DTD1: variants seen among roughly 807,000 people sequenced by gnomAD.
DTD1 encodes D-tyrosyl-tRNA deacylase 1 homolog.
In DTD1, 13 loss-of-function variants were observed where a neutral mutation model predicts 25.6. The observed-to-expected ratio is 0.51, with a 90% CI of 0.33 to 0.81. The LOEUF (loss-of-function observed/expected upper bound fraction) is 0.81, where lower values mean the gene tolerates loss of function less well. Ranked by LOEUF, DTD1 falls within the 30% of genes least tolerant of loss-of-function variation. DTD1 has a pLI of 0.02. For missense variants in DTD1, 193 were observed against 266.4 expected (o/e 0.72, Z 1.92); for synonymous variants, 110 against 103.6 (o/e 1.06, Z -0.37).
rs372398444 is a variant in DTD1 at position 18,753,523 on chromosome 20, G to A, written c.*19+9252G>A. ...CTCAGGAGGCTGAGACAGGAGAATC[G>A]CTTGAACCAAGGAGGCAGAGGTTGC... is the stretch of plus-strand genomic sequence containing the variant. On this transcript the variant is annotated intron_variant, in intron 5 of 5. Coordinates refer to ENST00000377452, the MANE Select transcript of DTD1 (RefSeq NM_080820.6). 8.9e-5 allele frequency among the ~76,000 whole-genome samples: 13 copies of A among 145,382 alleles called. No individual in the cohort carries two copies. The East Asian group carries it at 2.1e-3, about 23-fold the overall frequency.
At chr20:18,649,849 G>T (rs1164214814) in intron 4 of DTD1, among the ~76,000 whole-genome samples, 1 of 152,140 alleles carries the variant, frequency 6.6e-6, no homozygotes, top group Non-Finnish European at 1.5e-5. Flanking sequence ...CCCCCATATT[G>T]TGTGTATCAC....
intron 4 of DTD1, among the ~76,000 whole-genome samples, chr20:18,640,653 C>T (rs1305333538): frequency 6.3e-5 from 9 of 142,512 alleles, no homozygotes; most frequent in African/African-American, 2.1e-4. Context: ...TTTTTTAAGA[C>T]GGAGTCTCGC....
At chr20:18,655,609 G>A (rs2060888819) in intron 4 of DTD1, among the ~76,000 whole-genome samples, 1 of 152,172 alleles carries the variant, frequency 6.6e-6, no homozygotes, top group South Asian at 2.1e-4. Context: ...TGGCAGGGCT[G>A]TAAGCGTGGA....
intron 4 of DTD1, among the ~76,000 whole-genome samples, chr20:18,648,935 G>C (rs992664108): frequency 7.5e-6 from 1 of 132,966 alleles, no homozygotes; most frequent in African/African-American, 2.8e-5. Context: ...GGCAGAGCTT[G>C]CAGTGAGCTG....
At chr20:18,656,706 TC>T (rs1186973433) in intron 4 of DTD1, among the ~76,000 whole-genome samples, 1 of 152,182 alleles carries the variant, frequency 6.6e-6, no homozygotes, top group African/African-American at 2.4e-5. Context: ...TCACTTGAAG[TC>T]TTCTGTTTAC....
chr20:18,669,485 C>T (rs892721629), intron 4 of DTD1, among the ~76,000 whole-genome samples: 3 of 152,150 alleles, frequency 2.0e-5, no homozygotes, highest in Admixed American at 6.5e-5. Flanking sequence ...ATTCTGTCAT[C>T]GGATCAGGCT....
chr20:18,667,212 T>C (rs908074874), intron 4 of DTD1, among the ~76,000 whole-genome samples: 20 of 152,198 alleles, frequency 1.3e-4, no homozygotes, highest in Non-Finnish European at 7.3e-5. Flanking sequence ...TCAGATGGCA[T>C]TGCATTTCAT....
intron 4 of DTD1, among the ~76,000 whole-genome samples, chr20:18,693,469 C>T (rs1204807627): frequency 6.6e-6 from 1 of 151,826 alleles, no homozygotes; most frequent in Non-Finnish European, 1.5e-5. Flanking sequence ...CCAACCTGAC[C>T]AACGTGGCAA....
Position 18,619,885 on chromosome 20 carries a change from C to T in DTD1, c.371-8242C>T, listed in dbSNP as rs146695897. Among the ~76,000 whole-genome samples, 1,148 of 152,222 alleles carry T rather than the reference C, an allele frequency of 7.5e-3. 20 individuals carry two copies. The highest frequency in any genetic ancestry group is 0.026 in the African/African-American group (1,090 of 41,544). Reference sequence around the variant, plus strand: ...TATTTATTTAAAAAGCAACCTTTAGCTTTACTAACTGAGTTTCTGGCTTTA... The same window carrying T: ...TATTTATTTAAAAAGCAACCTTTAGTTTTACTAACTGAGTTTCTGGCTTTA... On this transcript the variant is annotated intron_variant, in intron 3 of 5. Coordinates refer to ENST00000377452, the MANE Select transcript of DTD1 (RefSeq NM_080820.6).
chr20:18,655,685 T>G (rs1406346071), intron 4 of DTD1, among the ~76,000 whole-genome samples: 1 of 152,234 alleles, frequency 6.6e-6, no homozygotes, highest in Non-Finnish European at 1.5e-5. Context: ...GGGCAATACC[T>G]GGGTGTCCCC....
intron 3 of DTD1, chr20:18,611,038 A>G (rs913660759): frequency 6.6e-6 from 1 of 152,250 alleles, no homozygotes; most frequent in African/African-American, 2.4e-5. Flanking sequence ...TTATTCCCCT[A>G]ATAAGAGTAA....
At chr20:18,745,919 G>A (rs1368161395) in intron 5 of DTD1, among the ~76,000 whole-genome samples, 2 of 152,182 alleles carry the variant, frequency 1.3e-5, no homozygotes, top group Admixed American at 1.3e-4. Flanking sequence ...GAGTGAGGCT[G>A]GAAGCAGATA....
chr20:18,739,759 C>G (rs1013305155), intron 4 of DTD1, among the ~76,000 whole-genome samples: 1 of 149,726 alleles, frequency 6.7e-6, no homozygotes, highest in Admixed American at 6.6e-5. Context: ...AAAAAAAAAT[C>G]CAGCTGCTTT....
intron 3 of DTD1, among the ~76,000 whole-genome samples, chr20:18,618,109 T>C (rs1275705082): frequency 6.6e-6 from 1 of 152,186 alleles, no homozygotes; most frequent in African/African-American, 2.4e-5. Context: ...TTCTCAGAAA[T>C]GGGATAGACG....
intron 3 of DTD1, among the ~76,000 whole-genome samples, chr20:18,624,795 G>A (rs955150471): frequency 1.6e-4 from 24 of 152,178 alleles, no homozygotes; most frequent in African/African-American, 5.3e-4. Context: ...CTCCTGTTAT[G>A]CAAGAAGGCT....
At chr20:18,718,402 G>T (rs2061190083) in intron 4 of DTD1, among the ~76,000 whole-genome samples, 1 of 152,184 alleles carries the variant, frequency 6.6e-6, no homozygotes, top group South Asian at 2.1e-4. Context: ...ACTTGGTGGG[G>T]CCGTGTGGGA....
intron 4 of DTD1, among the ~76,000 whole-genome samples, chr20:18,640,543 A>G (rs1600337678): frequency 6.6e-6 from 1 of 152,158 alleles, no homozygotes; most frequent in Non-Finnish European, 1.5e-5. Context: ...AATTATACAT[A>G]ACCTAAAATT....
At chr20:18,655,543 A>G (rs538541595) in intron 4 of DTD1, among the ~76,000 whole-genome samples, 1 of 152,146 alleles carries the variant, frequency 6.6e-6, no homozygotes, top group African/African-American at 2.4e-5. Flanking sequence ...TGCACCTGTC[A>G]TCTTGTATCA....
intron 4 of DTD1, among the ~76,000 whole-genome samples, chr20:18,686,728 T>G (rs1032089117): frequency 4.0e-5 from 6 of 151,870 alleles, no homozygotes; most frequent in Non-Finnish European, 7.4e-5. Context: ...CCTTTGCTGG[T>G]TTTTATCTTT....
Sources: allele counts gnomAD v4.1 joint callset (sites outside exome capture counted in the v4.1 genomes callset), GRCh38; gene constraint gnomAD v4.1.1; transcripts MANE v1.5; gene names NCBI Gene and HGNC (gene_info 2026-07-23, HGNC 2026-07-21).